Variants in ADAM22 observed in about 807,000 individuals in gnomAD.
ADAM22 encodes the protein ADAM metallopeptidase domain 22.
In ADAM22, 65 loss-of-function variants were observed where a neutral mutation model predicts 144.6. The ratio of observed to expected loss-of-function variants is 0.45; its 90% CI spans 0.37 to 0.55. The LOEUF is 0.55. Ranked by LOEUF, ADAM22 falls within the 20% of genes least tolerant of loss-of-function variation. ADAM22 has a pLI of 0.00. For missense variants in ADAM22, 974 were observed against 1,184.9 expected, an observed-to-expected ratio of 0.82 and a Z score of 2.61; for synonymous variants, 391 against 412.6, an observed-to-expected ratio of 0.95 and a Z score of 0.63.
chr7:88,186,258 C>T (rs1848294511), intron 29 of ADAM22: 1 of 227,294 alleles, frequency 4.4e-6, no homozygotes, highest in African/African-American at 2.3e-5. Context: ...CATTTAAAAA[C>T]CAAAGAGCCA....
At chr7:88,118,939 G>A (rs532356251) in intron 7 of ADAM22, among the ~76,000 whole-genome samples, 2 of 152,126 alleles carry the variant, frequency 1.3e-5, no homozygotes. Context: ...TGCAATTTCT[G>A]TGAAACAGTT....
intron 3 of ADAM22, among the ~76,000 whole-genome samples, chr7:88,018,133 C>T (rs1260235472): frequency 3.3e-5 from 5 of 152,104 alleles, no homozygotes; most frequent in African/African-American, 9.7e-5. Flanking sequence ...TGAAAAATCA[C>T]ATAGTGTATC....
intron 3 of ADAM22, among the ~76,000 whole-genome samples, chr7:88,068,827 C>T (rs746406911): frequency 2.2e-4 from 33 of 152,096 alleles, no homozygotes; most frequent in Non-Finnish European, 3.7e-4. Flanking sequence ...ATTGCTTGGG[C>T]TTCCTGACAG....
intron 2 of ADAM22, among the ~76,000 whole-genome samples, chr7:87,970,808 G>A (rs1850254006): frequency 6.6e-6 from 1 of 152,148 alleles, no homozygotes; most frequent in African/African-American, 2.4e-5. Flanking sequence ...ATTGTATCAT[G>A]TTCTTATGGT....
intron 25 of ADAM22, 136 bp downstream of exon 25, chr7:88,168,363 C>A (rs747556980): frequency 2.4e-6 from 2 of 839,112 alleles, no homozygotes; most frequent in Non-Finnish European, 4.0e-6. Context: ...AGCAGCCAGT[C>A]AATGCTTATT....
At chr7:88,125,992 T>TTTATATCCTTGTA (rs1830311374) in intron 8 of ADAM22, among the ~76,000 whole-genome samples, 1 of 151,944 alleles carries the variant, frequency 6.6e-6, no homozygotes, top group African/African-American at 2.4e-5. Context: ...ACTTGTATGG[T>TTTATATCCTTGTA]TTATATCCTT....
intron 3 of ADAM22, among the ~76,000 whole-genome samples, chr7:88,037,222 A>G (rs1327664607): frequency 4.6e-5 from 7 of 152,100 alleles, no homozygotes; most frequent in Non-Finnish European, 7.4e-5. Flanking sequence ...TTTATAGCCC[A>G]GTTTTCTAGT....
At chr7:88,095,468 G>C (rs1481072579) in intron 4 of ADAM22, among the ~76,000 whole-genome samples, 1 of 152,092 alleles carries the variant, frequency 6.6e-6, no homozygotes, top group African/African-American at 2.4e-5. Context: ...GTCTGGGAAC[G>C]CATATTATTC....
At chr7:88,172,020 C>T (rs917744637) in intron 26 of ADAM22, among the ~76,000 whole-genome samples, 3 of 151,632 alleles carry the variant, frequency 2.0e-5, no homozygotes, top group Non-Finnish European at 4.4e-5. Flanking sequence ...TTTATTTGGG[C>T]AGTGTTGCTG....
intron 4 of ADAM22, among the ~76,000 whole-genome samples, chr7:88,082,833 A>G (rs1482829315): frequency 6.6e-6 from 1 of 152,046 alleles, no homozygotes; most frequent in South Asian, 2.1e-4. Context: ...AAAAGTCAGG[A>G]AACAACAGGT....
intron 2 of ADAM22, among the ~76,000 whole-genome samples, chr7:87,936,023 C>G (rs934931591): frequency 6.6e-6 from 1 of 152,162 alleles, no homozygotes; most frequent in Non-Finnish European, 1.5e-5. Flanking sequence ...TGTTCATGTA[C>G]TTGAAAATTT....
At chr7:87,963,546 A>G (rs761483248) in intron 2 of ADAM22, among the ~76,000 whole-genome samples, 93 of 152,198 alleles carry the variant, frequency 6.1e-4, no homozygotes, top group Non-Finnish European at 7.6e-4. Flanking sequence ...TTAACCCAGC[A>G]TGTCAAATGT....
chr7:87,963,181 G>C (rs1321529855), intron 2 of ADAM22, among the ~76,000 whole-genome samples: 1 of 152,142 alleles, frequency 6.6e-6, no homozygotes, highest in East Asian at 1.9e-4. Flanking sequence ...AGACGGTGAG[G>C]CATGCAGGGA....
In ADAM22 at chr7:88,178,848, C is replaced by G. The variant is rs891094793; in HGVS notation, c.2301-87C>G. 501 of 741,420 alleles carry G rather than the reference C, an allele frequency of 6.8e-4. 4 individuals are homozygous for G. The highest frequency in any genetic ancestry group is 8.5e-6 in the Non-Finnish European group (4 of 468,902). 45.9% of individuals were successfully genotyped at this position (741,420 alleles called of 1,614,324 possible). On this transcript the variant is annotated intron_variant, in intron 26 of 31. Transcript: ENST00000413139. ...TTCATGTAGATCATTATCCCTACCT[C>G]TCTTTTTTCCTGAAATAATATTTGT... is the stretch of plus-strand genomic sequence containing the variant.
chr7:88,139,405 T>C (rs1833952104), intron 14 of ADAM22, among the ~76,000 whole-genome samples: 1 of 150,590 alleles, frequency 6.6e-6, no homozygotes, highest in South Asian at 2.1e-4. Flanking sequence ...GTGACAAGAG[T>C]GAGACTCCAT....
chr7:88,171,835 T>C (rs1016878427), intron 26 of ADAM22, among the ~76,000 whole-genome samples: 1 of 151,720 alleles, frequency 6.6e-6, no homozygotes, highest in African/African-American at 2.4e-5. Context: ...GTAATATATA[T>C]AGAAATTGAT....
chr7:87,980,115 G>A (rs1387710270), intron 3 of ADAM22, among the ~76,000 whole-genome samples: 3 of 152,232 alleles, frequency 2.0e-5, no homozygotes, highest in Non-Finnish European at 4.4e-5. Context: ...TTATCAAAGC[G>A]TGAAGTTTAG....
At chr7:88,117,323 A>C (rs1828012560) in intron 7 of ADAM22, among the ~76,000 whole-genome samples, 1 of 152,238 alleles carries the variant, frequency 6.6e-6, no homozygotes, top group African/African-American at 2.4e-5. Context: ...TTGTCTCCCA[A>C]GATTACTTAT....
intron 3 of ADAM22, among the ~76,000 whole-genome samples, chr7:88,012,991 G>A (rs1277616664): frequency 6.6e-6 from 1 of 152,160 alleles, no homozygotes; most frequent in Non-Finnish European, 1.5e-5. Context: ...GGACTCGGGG[G>A]ACCAGGGAAA....
Sources: gnomAD v4.1 joint callset for allele counts (sites outside exome capture counted in the v4.1 genomes callset) on GRCh38, gnomAD v4.1.1 for gene constraint, MANE v1.5 for transcripts, NCBI Gene and HGNC (gene_info 2026-07-23, HGNC 2026-07-21) for gene names.